Variants in LRMDA observed in about 807,000 individuals in gnomAD.
The protein encoded by LRMDA is leucine rich melanocyte differentiation associated, also known as leucine-rich melanocyte differentiation-associated protein.
A neutral mutation model predicts 29.8 loss-of-function variants in LRMDA; 18 were observed. The observed-to-expected ratio is 0.60, with a 90% confidence interval of 0.42 to 0.90. LRMDA has a LOEUF of 0.90. Ranked by LOEUF, LRMDA falls within the 40% of genes least tolerant of loss-of-function variation. LRMDA has a pLI of 0.00. For synonymous variants in LRMDA, 125 were observed against 109.4 expected (o/e 1.14, Z -0.89); for missense variants, 273 against 273.9 (o/e 1.00, Z 0.02).
intron 5 of LRMDA, among the ~76,000 whole-genome samples, chr10:76,082,171 A>G (rs1165611679): frequency 1.3e-5 from 2 of 152,214 alleles, no homozygotes; most frequent in Non-Finnish European, 2.9e-5. Context: ...CATATTCCAT[A>G]GGGCCAACTG....
chr10:76,502,689 A>G (rs1298541192), intron 6 of LRMDA, among the ~76,000 whole-genome samples: 2 of 150,850 alleles, frequency 1.3e-5, no homozygotes, highest in African/African-American at 4.9e-5. Flanking sequence ...AATGCTGCTG[A>G]TTTTTGTACA....
chr10:75,543,115 C>T (rs1480453229), intron 2 of LRMDA, among the ~76,000 whole-genome samples: 1 of 152,162 alleles, frequency 6.6e-6, no homozygotes, highest in Non-Finnish European at 1.5e-5. Flanking sequence ...CTGGTAATTG[C>T]AAGCAGAGGC....
intron 5 of LRMDA, among the ~76,000 whole-genome samples, chr10:76,209,239 T>C (rs972106498): frequency 6.6e-5 from 10 of 152,180 alleles, no homozygotes; most frequent in Admixed American, 2.0e-4. Context: ...CACTCTCACC[T>C]AAAAACAGAC....
intron 5 of LRMDA, among the ~76,000 whole-genome samples, chr10:76,078,265 T>TC (rs1458210192): frequency 2.0e-5 from 3 of 151,772 alleles, no homozygotes; most frequent in Non-Finnish European, 4.4e-5. Flanking sequence ...CGTCTCGGCC[T>TC]CCCAAAGTGC....
At chr10:75,768,697 C>T (rs1382398438) in intron 2 of LRMDA, among the ~76,000 whole-genome samples, 1 of 152,126 alleles carries the variant, frequency 6.6e-6, no homozygotes, top group African/African-American at 2.4e-5. Context: ...ACTACTGTTA[C>T]ATCATGGCAG....
intron 2 of LRMDA, among the ~76,000 whole-genome samples, chr10:75,513,709 C>G (rs1203914566): frequency 6.6e-6 from 1 of 152,162 alleles, no homozygotes; most frequent in Non-Finnish European, 1.5e-5. Flanking sequence ...CCCGGTGTCA[C>G]TCCAACCTCC....
At chr10:75,685,131 G>T (rs1842066087) in intron 2 of LRMDA, among the ~76,000 whole-genome samples, 1 of 152,028 alleles carries the variant, frequency 6.6e-6, no homozygotes, top group Admixed American at 6.5e-5. Flanking sequence ...TACTGATTTT[G>T]TTGGATGTAA....
chr10:76,443,769 C>T (rs1361088193), intron 6 of LRMDA, among the ~76,000 whole-genome samples: 1 of 152,300 alleles, frequency 6.6e-6, no homozygotes, highest in African/African-American at 2.4e-5. Context: ...ATTTCAGAAG[C>T]TGTCCTCATT....
In LRMDA at chr10:75,948,174, T is replaced by G. The variant is rs1589263203; in HGVS notation, c.132-87834T>G. On this transcript the variant is annotated intron_variant, in intron 2 of 6. Transcript: ENST00000611255. The stretch of plus-strand genomic sequence containing the variant: ...GTGATTGTGAGGGTTAAAGGTGGCT[T>G]TTCTCAAATTGTAGACTGGCTCTTA... 2.6e-5 allele frequency among the ~76,000 whole-genome samples: 4 copies of G among 152,286 alleles called. No homozygotes were observed. In the South Asian group the frequency reaches 8.3e-4, roughly 32 times the overall value.
At chr10:75,893,481 C>G (rs1378113826) in intron 2 of LRMDA, among the ~76,000 whole-genome samples, 1 of 152,178 alleles carries the variant, frequency 6.6e-6, no homozygotes, top group Non-Finnish European at 1.5e-5. Context: ...TGCCAAATAA[C>G]AGAATAATGC....
chr10:75,824,447 A>C (rs899882288), intron 2 of LRMDA, among the ~76,000 whole-genome samples: 1 of 152,218 alleles, frequency 6.6e-6, no homozygotes, highest in Non-Finnish European at 1.5e-5. Flanking sequence ...AACAGAGACT[A>C]TATAGCTCGC....
At chr10:75,784,052 A>C (rs945598755) in intron 2 of LRMDA, among the ~76,000 whole-genome samples, 3 of 152,232 alleles carry the variant, frequency 2.0e-5, no homozygotes, top group Non-Finnish European at 2.9e-5. Context: ...GGCCAGGGAC[A>C]CTTGGTTTTT....
chr10:75,579,110 CA>C (rs1000355114), intron 2 of LRMDA, among the ~76,000 whole-genome samples: 3 of 151,906 alleles, frequency 2.0e-5, no homozygotes, highest in African/African-American at 7.3e-5. Flanking sequence ...AAAAACCCTT[CA>C]AAAAAATCAA....
At chr10:75,699,003 C>CGA (rs1842273267) in intron 2 of LRMDA, among the ~76,000 whole-genome samples, 1 of 152,062 alleles carries the variant, frequency 6.6e-6, no homozygotes, top group Non-Finnish European at 1.5e-5. Context: ...GAGCTCGAGA[C>CGA]CAGCTTGGCC....
intron 2 of LRMDA, among the ~76,000 whole-genome samples, chr10:75,853,103 C>T (rs1844760453): frequency 6.6e-6 from 1 of 152,114 alleles, no homozygotes; most frequent in Non-Finnish European, 1.5e-5. Flanking sequence ...TCGATTACCT[C>T]CTACTGGGTC....
chr10:75,458,005 A>C (rs895095308), intron 2 of LRMDA, among the ~76,000 whole-genome samples: 11 of 152,222 alleles, frequency 7.2e-5, no homozygotes, highest in Admixed American at 2.0e-4. Flanking sequence ...AAAATCAAGG[A>C]GATCATTAAG....
intron 2 of LRMDA, among the ~76,000 whole-genome samples, chr10:75,674,240 G>A (rs1012697917): frequency 3.3e-5 from 5 of 152,184 alleles, no homozygotes; most frequent in Non-Finnish European, 7.3e-5. Context: ...GATTAGAGGT[G>A]TCTTTAGTTC....
rs187654134 is a variant in LRMDA, at chr10:76,395,851, A to G, written c.601+71366A>G. ...ATTTCTAAAACAGTGTGAAAACACG[A>G]TGAATTGAATTGAATTGGCGAGAAT... On this transcript the variant is annotated intron_variant, in intron 6 of 6. Coordinates refer to ENST00000611255, the MANE Select transcript of LRMDA (RefSeq NM_001305581.2). Among the ~76,000 whole-genome samples, 1,241 of 152,384 alleles carry G rather than the reference A, an allele frequency of 8.1e-3. 30 individuals carry two copies. In the South Asian group the frequency reaches 0.093, roughly 11 times the overall value.
At chr10:75,590,726 CTTTTTTTTTTTTTTTTTTTTTTTTTT>C (rs67966004) in intron 2 of LRMDA, among the ~76,000 whole-genome samples, 2 of 71,344 alleles carry the variant, frequency 2.8e-5, no homozygotes, top group African/African-American at 5.8e-5. Flanking sequence ...ATAAAATAGT[CTTTTTTTTTTTTTTTTTTTTTTTTTT>C]TTTTTTTTTT....
Sources: allele counts gnomAD v4.1 joint callset (sites outside exome capture counted in the v4.1 genomes callset), GRCh38; gene constraint gnomAD v4.1.1; transcripts MANE v1.5; gene names NCBI Gene and HGNC (gene_info 2026-07-23, HGNC 2026-07-21).